SHMT1: variants seen among roughly 807,000 people sequenced by gnomAD.
SHMT1 encodes serine hydroxymethyltransferase 1.
SHMT1 carries 45 observed loss-of-function variants against 49.0 expected under a neutral mutation model. The ratio of observed to expected loss-of-function variants is 0.92; its 90% confidence interval spans 0.72 to 1.18. The LOEUF (loss-of-function observed/expected upper bound fraction) is 1.18. Ranked by LOEUF, SHMT1 falls within the 50% of genes most tolerant of loss-of-function variation. The pLI is 0.00. For synonymous variants in SHMT1, 232 were observed against 246.6 expected (o/e 0.94, Z 0.55); for missense variants, 541 against 612.4 (o/e 0.88, Z 1.23).
At chr17:18,341,602 T>TGCACTCCA (rs1467870420) in intron 5 of SHMT1, 10 of 130,240 alleles carry the variant, frequency 7.7e-5, no homozygotes, top group African/African-American at 2.7e-4. Context: ...ATTGTGCCAC[T>TGCACTCCA]GCACTCCAGC....
intron 3 of SHMT1, 147 bp downstream of exon 3, chr17:18,353,516 GAATAAAAGA>G: frequency 1.2e-6 from 1 of 822,994 alleles, no homozygotes; most frequent in Admixed American, 1.7e-5. Flanking sequence ...CACATGCTGG[GAATAAAAGA>G]GTTCTGTCAG....
chr17:18,351,697 C>G (rs2151597364), intron 3 of SHMT1, among the ~76,000 whole-genome samples: 1 of 152,068 alleles, frequency 6.6e-6, no homozygotes, highest in Admixed American at 6.6e-5. Context: ...TCGCTTGAAC[C>G]TGGGAGGTGG....
Position 18,348,220 on chromosome 17 carries a change from TATGGCAGTCC to T in SHMT1, c.358+95_358+104del, listed in dbSNP as rs777674610. The T allele has an allele frequency of 7.3e-5, 61 of 831,338 alleles. No homozygotes were observed. The Middle Eastern group carries it at 5.7e-3, about 78-fold the overall frequency. 51.5% of individuals were successfully genotyped at this position (831,338 alleles called of 1,614,324 possible). A position where few individuals can be genotyped will look rare whatever the true frequency, so the allele number is the denominator to read the frequency against. On this transcript the variant is annotated intron_variant, in intron 4 of 11. Coordinates refer to ENST00000316694, the MANE Select transcript of SHMT1 (RefSeq NM_004169.5). Reference sequence around the variant, plus strand: ...CAGGCGTGAGCCACTGGGCCCGGCCTATGGCAGTCCATGGCAGTCCATCTTAGGACTCTTC... The same window carrying T: ...CAGGCGTGAGCCACTGGGCCCGGCCTATGGCAGTCCATCTTAGGACTCTTC...
At chr17:18,343,916 T>G (rs987805330) in intron 5 of SHMT1, among the ~76,000 whole-genome samples, 1 of 129,214 alleles carries the variant, frequency 7.7e-6, no homozygotes, top group Non-Finnish European at 1.6e-5. Flanking sequence ...CCAGATACTG[T>G]CTTAAAAAAA....
At chr17:18,345,919 T>A (rs1985042760) in intron 5 of SHMT1, among the ~76,000 whole-genome samples, 1 of 152,036 alleles carries the variant, frequency 6.6e-6, no homozygotes, top group Admixed American at 6.6e-5. Flanking sequence ...TGACCTCAGG[T>A]GATCTGCCCA....
At chr17:18,357,916 TAC>T (rs1462798888) in intron 1 of SHMT1, among the ~76,000 whole-genome samples, 1 of 141,160 alleles carries the variant, frequency 7.1e-6, no homozygotes, top group African/African-American at 2.7e-5. Flanking sequence ...CAGGCTGGAG[TAC>T]AGTGGCGCGA....
At position 18,340,962 on chromosome 17, in the gene SHMT1, T is replaced by C; in HGVS notation, c.520-149A>G. On this transcript the variant is annotated intron_variant, in intron 5 of 11. Coordinates refer to ENST00000316694, the MANE Select transcript of SHMT1 (RefSeq NM_004169.5). The surrounding 1 kb of genome is among the most constrained non-coding windows in gnomAD (Gnocchi z 4.5). ...GGGTGAGACAGGATGGATACTGGTGTGTTCAGCCTGCTCAACCAAGTATGG... is the reference window on the plus strand; with the variant it reads ...GGGTGAGACAGGATGGATACTGGTGCGTTCAGCCTGCTCAACCAAGTATGG... The C allele has an allele frequency of 1.5e-6, 1 of 684,342 alleles. No homozygotes were observed. Among genetic ancestry groups the C allele is most frequent in the South Asian group, 1.6e-5 (1 of 62,870 alleles). The allele number at this position is 684,342 out of a possible 1,614,324, so 42.4% of individuals were successfully genotyped here.
rs748601428 is a variant in SHMT1 at position 18,340,748 on chromosome 17, C to T, written c.585G>A (p.Pro195=). The change falls in exon 6 of 12, where the codon CCG becomes CCA. Residue 195 remains proline, a synonymous_variant. Coordinates refer to ENST00000316694, the MANE Select transcript of SHMT1 (RefSeq NM_004169.5). This position sits in a 1 kb window ranked among gnomAD's most constrained non-coding sequence, Gnocchi z 4.5. Reference sequence around the variant, plus strand: ...GCGCATCACCTGCGATGATCAGCTTCGGGTGGAAGAGGCGTGCGTTCTCCT... The same window carrying T: ...GCGCATCACCTGCGATGATCAGCTTTGGGTGGAAGAGGCGTGCGTTCTCCT... ...QLEENARLFH[P]KLIIAGTSCY... is the part of the protein sequence containing the mutation. The T allele has an allele frequency of 4.3e-6, 7 of 1,612,700 alleles. No homozygotes were observed. Among genetic ancestry groups the T allele is most frequent in the African/African-American group, 1.3e-5 (1 of 74,998 alleles).
intron 1 of SHMT1, among the ~76,000 whole-genome samples, chr17:18,359,957 A>AC (rs2151611264): frequency 6.7e-6 from 1 of 150,294 alleles, no homozygotes; most frequent in East Asian, 2.0e-4. Flanking sequence ...AAAAAAAAAA[A>AC]AATTATTTGG....
At position 18,328,753 on chromosome 17, in the gene SHMT1, G is replaced by C; in HGVS notation, c.1449C>G (p.Phe483Leu). ...SLFPLPGLPD[F>L] ...GGTCCAGAGTGGGCCCGCTCCTTTA[G>C]AAGTCAGGCAGGCCAGGCAGAGGGA... is the stretch of plus-strand genomic sequence containing the variant. The change falls in exon 12 of 12, where the codon TTC becomes TTG. Residue 483 changes from phenylalanine (F) to leucine (L), a missense_variant. Phe to Leu is a conservative substitution (Grantham distance 22, BLOSUM62 0). Coordinates refer to ENST00000316694, the MANE Select transcript of SHMT1 (RefSeq NM_004169.5). 1 of 1,572,626 alleles carries C rather than the reference G, an allele frequency of 6.4e-7. No homozygotes were observed. Among genetic ancestry groups the C allele is most frequent in the South Asian group, 1.1e-5 (1 of 87,012 alleles).
chr17:18,340,762 G>A lies in SHMT1; in HGVS notation c.571C>T (p.Arg191Cys), dbSNP rs148701087. Residue 191 changes from arginine (R) to cysteine (C), a missense_variant, in exon 6 of 12, where the codon CGC becomes TGC. Physicochemically the swap from Arg to Cys is radical, Grantham distance 180. Transcript: ENST00000316694. The surrounding 1 kb of genome is among the most constrained non-coding windows in gnomAD (Gnocchi z 4.5). ...INYDQLEENARLFHPKLIIAG... is the reference protein window; with the variant it reads ...INYDQLEENACLFHPKLIIAG... ...ATGATCAGCTTCGGGTGGAAGAGGCGTGCGTTCTCCTCCAGCTGGTCATAG... is the reference window on the plus strand; with the variant it reads ...ATGATCAGCTTCGGGTGGAAGAGGCATGCGTTCTCCTCCAGCTGGTCATAG... 2,014 of 1,613,110 alleles carry A rather than the reference G, an allele frequency of 1.2e-3. 4 individuals are homozygous for A. Among genetic ancestry groups the A allele is most frequent in the Non-Finnish European group, 1.6e-3 (1,870 of 1,179,702 alleles).
In SHMT1 at chr17:18,359,758, C is replaced by T. The variant is rs151244036; in HGVS notation, c.-20+3614G>A. On this transcript the variant is annotated intron_variant, in intron 1 of 11. Coordinates refer to ENST00000316694, the MANE Select transcript of SHMT1 (RefSeq NM_004169.5). Reference sequence around the variant, plus strand: ...GTCAGGAAATCAAGACTGTCCTGGCCAACATGGTGAAACCCCATCTCCACT... The same window carrying T: ...GTCAGGAAATCAAGACTGTCCTGGCTAACATGGTGAAACCCCATCTCCACT... 5.5e-3 allele frequency among the ~76,000 whole-genome samples: 830 copies of T among 150,326 alleles called. 9 individuals are homozygous for T. The highest frequency in any genetic ancestry group is 0.018 in the Middle Eastern group (5 of 284).
chr17:18,351,133 CTTTTAT>C (rs992367992), intron 3 of SHMT1, among the ~76,000 whole-genome samples: 10 of 151,224 alleles, frequency 6.6e-5, no homozygotes, highest in East Asian at 3.9e-4. Flanking sequence ...TAATAATTAC[CTTTTAT>C]TTTTATTTTT....
chr17:18,344,743 T>G (rs1411758010), intron 5 of SHMT1, among the ~76,000 whole-genome samples: 45 of 152,096 alleles, frequency 3.0e-4, no homozygotes, highest in Admixed American at 3.0e-3. Context: ...GGGTCCACAG[T>G]GCACAGAGGA....
Position 18,328,637 on chromosome 17 carries a change from G to T in SHMT1, c.*113C>A. On this transcript the variant is annotated 3_prime_UTR_variant, in exon 12 of 12. Transcript: ENST00000316694. Reference sequence around the variant, plus strand: ...AGTCCAAAAGAAACCCCCTCAAAGGGCCCGAGTGTCAACAGTTCCCCTTTG... The same window carrying T: ...AGTCCAAAAGAAACCCCCTCAAAGGTCCCGAGTGTCAACAGTTCCCCTTTG... The T allele has an allele frequency of 8.4e-7, 1 of 1,191,088 alleles. No homozygotes were observed. Among genetic ancestry groups the T allele is most frequent in the Non-Finnish European group, 1.2e-6 (1 of 836,828 alleles). The allele number at this position is 1,191,088 out of a possible 1,614,324, so 73.8% of individuals were successfully genotyped here.
chr17:18,353,200 A>C (rs1173961482), intron 3 of SHMT1, among the ~76,000 whole-genome samples: 2 of 152,218 alleles, frequency 1.3e-5, no homozygotes, highest in African/African-American at 4.8e-5. Context: ...TGTAATTCTG[A>C]GGGTGAAAGA....
intron 10 of SHMT1, among the ~76,000 whole-genome samples, chr17:18,330,061 A>G (rs1983024866): frequency 6.6e-6 from 1 of 151,586 alleles, no homozygotes. Context: ...TAGCCTTCTC[A>G]ATCTCCTGAC....
chr17:18,354,844 C>A (rs542355423), intron 2 of SHMT1, among the ~76,000 whole-genome samples: 44 of 144,720 alleles, frequency 3.0e-4, no homozygotes, highest in African/African-American at 1.1e-3. Flanking sequence ...TCAAGATCAT[C>A]CTGGCTAACA....
intron 1 of SHMT1, among the ~76,000 whole-genome samples, chr17:18,361,710 C>T (rs1221407183): frequency 6.7e-6 from 1 of 150,024 alleles, no homozygotes; most frequent in Non-Finnish European, 1.5e-5. Context: ...GGCGTGAACC[C>T]GGGAGGCGGA....
Sources: gnomAD v4.1 joint callset for allele counts (sites outside exome capture counted in the v4.1 genomes callset) on GRCh38, gnomAD v4.1.1 for gene constraint, Gnocchi (gnomAD v3.1) non-coding constraint, MANE v1.5 for transcripts, NCBI Gene and HGNC (gene_info 2026-07-23, HGNC 2026-07-21) for gene names.